Variants in NRXN3 observed in about 807,000 individuals in gnomAD.
NRXN3 encodes neurexin III.
In NRXN3, 32 loss-of-function variants were observed where a neutral mutation model predicts 137.6. The observed-to-expected ratio is 0.23, with a 90% CI of 0.18 to 0.31. The LOEUF (loss-of-function observed/expected upper bound fraction) is 0.31. NRXN3 is among the 10% of genes least tolerant of loss of function. The pLI is 1.00. For missense variants in NRXN3, 1,574 were observed against 2,062.5 expected, an observed-to-expected ratio of 0.76 and a Z score of 4.59; for synonymous variants, 798 against 784.5, an observed-to-expected ratio of 1.02 and a Z score of -0.29.
intron 15 of NRXN3, among the ~76,000 whole-genome samples, chr14:79,324,942 T>C (rs2090630005): frequency 6.6e-6 from 1 of 152,178 alleles, no homozygotes; most frequent in African/African-American, 2.4e-5. Flanking sequence ...CTGTCAGACG[T>C]CCTTGTCCTT....
intron 6 of NRXN3, among the ~76,000 whole-genome samples, chr14:78,697,247 C>A (rs553215535): frequency 6.6e-6 from 1 of 151,908 alleles, no homozygotes; most frequent in South Asian, 2.1e-4. Flanking sequence ...TTTAGACATC[C>A]TATGTCCCTT....
At chr14:78,191,156 C>G (rs551553746) in intron 1 of NRXN3, among the ~76,000 whole-genome samples, 1 of 152,120 alleles carries the variant, frequency 6.6e-6, no homozygotes, top group African/African-American at 2.4e-5. Context: ...TCATTACAAG[C>G]AAATTCACAA....
intron 4 of NRXN3, among the ~76,000 whole-genome samples, chr14:78,430,146 G>A (rs890240042): frequency 1.3e-5 from 2 of 152,196 alleles, no homozygotes; most frequent in South Asian, 4.1e-4. Context: ...GCTAAGGTGG[G>A]AAGACCACAT....
chr14:78,175,679 G>C (rs1187301813), intron 1 of NRXN3, among the ~76,000 whole-genome samples: 1 of 152,054 alleles, frequency 6.6e-6, no homozygotes, highest in Non-Finnish European at 1.5e-5. Context: ...GGCCATGCTG[G>C]GCTCGGGGCA....
chr14:78,657,562 G>T (rs2097794749), intron 6 of NRXN3, among the ~76,000 whole-genome samples: 1 of 152,164 alleles, frequency 6.6e-6, no homozygotes, highest in Non-Finnish European at 1.5e-5. Flanking sequence ...AAGGAAAAAG[G>T]ATTGGATAGA....
Position 79,449,712 on chromosome 14 carries a change from A to G in NRXN3, c.3263-17509A>G, listed in dbSNP as rs370339151. 6.4e-3 allele frequency among the ~76,000 whole-genome samples: 981 copies of G among 152,312 alleles called. 8 individuals are homozygous for G. Among genetic ancestry groups the G allele is most frequent in the African/African-American group, 0.022 (907 of 41,570 alleles). ...CAGAGTATAAGATATAGAATCGGCCAGGCGCAGTGGCTCACGCCTGCAATC... is the reference window on the plus strand; with the variant it reads ...CAGAGTATAAGATATAGAATCGGCCGGGCGCAGTGGCTCACGCCTGCAATC... On this transcript the variant is annotated intron_variant, in intron 15 of 20. Coordinates refer to ENST00000335750, the MANE Select transcript of NRXN3 (RefSeq NM_001330195.2).
At chr14:79,460,705 G>C (rs1208910644) in intron 15 of NRXN3, among the ~76,000 whole-genome samples, 2 of 152,162 alleles carry the variant, frequency 1.3e-5, no homozygotes, top group Non-Finnish European at 2.9e-5. Flanking sequence ...TCCTTCAACA[G>C]AGAGAAATAG....
At chr14:79,480,744 C>G (rs1252165405) in intron 16 of NRXN3, among the ~76,000 whole-genome samples, 1 of 151,994 alleles carries the variant, frequency 6.6e-6, no homozygotes, top group Non-Finnish European at 1.5e-5. Context: ...TTAGCACCGT[C>G]CCCCTAGTGC....
intron 8 of NRXN3, among the ~76,000 whole-genome samples, chr14:78,789,471 A>T (rs889542923): frequency 1.3e-5 from 2 of 152,154 alleles, no homozygotes; most frequent in African/African-American, 4.8e-5. Flanking sequence ...CACAATACAC[A>T]GGATAGCCTT....
At chr14:78,820,429 A>T (rs1477579132) in intron 10 of NRXN3, among the ~76,000 whole-genome samples, 2 of 149,164 alleles carry the variant, frequency 1.3e-5, no homozygotes, top group African/African-American at 4.9e-5. Context: ...TATTTCTAAA[A>T]AAAAAAAAAA....
intron 15 of NRXN3, among the ~76,000 whole-genome samples, chr14:79,091,470 C>A (rs934620200): frequency 2.6e-5 from 4 of 152,086 alleles, no homozygotes; most frequent in African/African-American, 4.8e-5. Context: ...TTTTTCCCAC[C>A]CCTTTCCCTA....
rs1567504638 is a variant in NRXN3 at position 79,560,503 on chromosome 14, G to GTTTTTTTTTTTTTTTTTT, written c.3444+93101_3444+93102insTTTTTTTTTTTTTTTTTT. Among the ~76,000 whole-genome samples, 2 of 39,590 alleles carry GTTTTTTTTTTTTTTTTTT rather than the reference G, an allele frequency of 5.1e-5. 1 individual carries two copies. Among genetic ancestry groups the GTTTTTTTTTTTTTTTTTT allele is most frequent in the African/African-American group, 1.5e-4 (2 of 13,538 alleles). The allele number at this position is 39,590 out of a possible 152,430, so 26.0% of individuals were successfully genotyped here. Reference sequence around the variant, plus strand: ...TAATTCTACAAGGACAAGATTGTAAGCTTTTTTTTTTTTTTTTTTTTTTTT... The same window carrying GTTTTTTTTTTTTTTTTTT: ...TAATTCTACAAGGACAAGATTGTAAGTTTTTTTTTTTTTTTTTTCTTTTTTTTTTTTTTTTTTTTTTTT... On this transcript the variant is annotated intron_variant, in intron 16 of 20. Transcript: ENST00000335750.
chr14:78,495,368 A>G (rs1384695871), intron 4 of NRXN3, among the ~76,000 whole-genome samples: 1 of 152,134 alleles, frequency 6.6e-6, no homozygotes, highest in African/African-American at 2.4e-5. Flanking sequence ...GAATAAAAAA[A>G]TGACTTCTTG....
intron 10 of NRXN3, among the ~76,000 whole-genome samples, chr14:78,870,339 G>A (rs1456747673): frequency 1.3e-5 from 2 of 152,038 alleles, no homozygotes; most frequent in Admixed American, 6.6e-5. Context: ...AGAATAACAT[G>A]GATAGATCAT....
At chr14:78,314,262 GA>G (rs57417723) in intron 4 of NRXN3, among the ~76,000 whole-genome samples, 2 of 152,232 alleles carry the variant, frequency 1.3e-5, no homozygotes, top group Admixed American at 6.5e-5. Context: ...GAAAATGGGG[GA>G]AAAACAGGGA....
intron 15 of NRXN3, among the ~76,000 whole-genome samples, chr14:79,380,149 C>CTTTTTT (rs949863265): frequency 2.0e-5 from 1 of 48,942 alleles, no homozygotes; most frequent in Non-Finnish European, 4.1e-5. Context: ...TATACTTCTT[C>CTTTTTT]TTTTTTTTTT....
intron 4 of NRXN3, among the ~76,000 whole-genome samples, chr14:78,609,844 A>T (rs553993875): frequency 2.0e-5 from 3 of 152,304 alleles, no homozygotes; most frequent in African/African-American, 7.2e-5. Context: ...TGCCAGGAAA[A>T]TACCCTGTGA....
At chr14:78,192,115 A>C (rs2060806414) in intron 1 of NRXN3, among the ~76,000 whole-genome samples, 1 of 149,084 alleles carries the variant, frequency 6.7e-6, no homozygotes, top group African/African-American at 2.5e-5. Flanking sequence ...TGTGAGAGAG[A>C]GAGCATACAT....
rs543820174 is a variant in NRXN3, at chr14:79,380,292, A to G, written c.3263-86929A>G. 1.3e-3 allele frequency among the ~76,000 whole-genome samples: 190 copies of G among 151,456 alleles called. 3 individuals are homozygous for G. In the East Asian group the frequency reaches 0.021, roughly 17 times the overall value. On this transcript the variant is annotated intron_variant, in intron 15 of 20. Transcript: ENST00000335750. The stretch of plus-strand genomic sequence containing the variant: ...TACATGTGCCATGCTGGTGTGCTGC[A>G]CCCATTAACTCGTCATTTAGCATTA...
Sources: gnomAD v4.1 joint callset for allele counts (sites outside exome capture counted in the v4.1 genomes callset) on GRCh38, gnomAD v4.1.1 for gene constraint, MANE v1.5 for transcripts, NCBI Gene and HGNC (gene_info 2026-07-23, HGNC 2026-07-21) for gene names.